Variants in VOPP1 observed in about 807,000 individuals in gnomAD.
VOPP1 encodes the protein VOPP1 WW domain binding protein.
Under a neutral mutation model 23.5 loss-of-function variants are expected in VOPP1, and 8 were observed. The ratio of observed to expected loss-of-function variants is 0.34; its 90% CI spans 0.20 to 0.61. The LOEUF (loss-of-function observed/expected upper bound fraction) is 0.61. Ranked by LOEUF, VOPP1 falls within the 20% of genes least tolerant of loss-of-function variation. VOPP1 has a pLI of 0.78. For synonymous variants in VOPP1, 83 were observed against 97.3 expected, an observed-to-expected ratio of 0.85 and a Z score of 0.86; for missense variants, 174 against 238.1, an observed-to-expected ratio of 0.73 and a Z score of 1.77.
At chr7:55,564,583 A>G (rs1227273194) in intron 1 of VOPP1, among the ~76,000 whole-genome samples, 1 of 152,136 alleles carries the variant, frequency 6.6e-6, no homozygotes, top group Non-Finnish European at 1.5e-5. Context: ...TTCCCTTGCT[A>G]TGGACGCTTA....
chr7:55,545,008 C>CT (rs1470278159), intron 1 of VOPP1, among the ~76,000 whole-genome samples: 1 of 152,086 alleles, frequency 6.6e-6, no homozygotes, highest in Non-Finnish European at 1.5e-5. Context: ...ATGTCTAGCA[C>CT]TGTTAAATCA....
chr7:55,484,169 A>T (rs1792955598), intron 4 of VOPP1, among the ~76,000 whole-genome samples: 1 of 152,144 alleles, frequency 6.6e-6, no homozygotes, highest in African/African-American at 2.4e-5. Context: ...GCTGTTTCTT[A>T]TCTAGTCTGT....
rs77984082 is a variant in VOPP1 at position 55,444,567 on chromosome 7, G to C, written n.418-8393C>G. 9.6e-3 allele frequency among the ~76,000 whole-genome samples: 1,463 copies of C among 152,212 alleles called. 20 individuals carry two copies. Among genetic ancestry groups the C allele is most frequent in the African/African-American group, 0.032 (1,326 of 41,524 alleles). ...AATATCAGGAGGCAGAGAGGATTGA[G>C]GGCCACTCTGGAAACTGGATACAGG... is the stretch of plus-strand genomic sequence containing the variant. On this transcript the variant is annotated intron_variant and non_coding_transcript_variant, in intron 4 of 4. Coordinates refer to the VOPP1 transcript ENST00000462326.
At chr7:55,479,091 TTGAGG>T (rs768366380) in intron 4 of VOPP1, among the ~76,000 whole-genome samples, 4 of 152,172 alleles carry the variant, frequency 2.6e-5, no homozygotes, top group Non-Finnish European at 5.9e-5. Context: ...GCTGGCTGAA[TTGAGG>T]TATGTGTTAC....
intron 2 of VOPP1, 93 bp from the exon 3 acceptor site, chr7:55,497,783 T>G: frequency 9.1e-7 from 1 of 1,096,078 alleles, no homozygotes; most frequent in Admixed American, 1.8e-5. Context: ...GTAATCATTC[T>G]TGAAGGAAGA....
downstream of VOPP1, among the ~76,000 whole-genome samples, chr7:55,468,961 C>T (rs953812837): frequency 1.3e-5 from 2 of 152,098 alleles, no homozygotes; most frequent in Non-Finnish European, 1.5e-5. Context: ...ACTATCAAAG[C>T]TTTAAAATAC....
At chr7:55,564,510 C>CT (rs1336818996) in intron 1 of VOPP1, among the ~76,000 whole-genome samples, 4 of 152,086 alleles carry the variant, frequency 2.6e-5, no homozygotes, top group East Asian at 1.9e-4. Context: ...GCTATGGACC[C>CT]TTTTTTTGTC....
At chr7:55,539,814 A>G (rs1797030918) in intron 1 of VOPP1, among the ~76,000 whole-genome samples, 1 of 151,848 alleles carries the variant, frequency 6.6e-6, no homozygotes, top group South Asian at 2.1e-4. Context: ...ACCAGGACTC[A>G]ATGGAGAAAC....
chr7:55,450,593 A>G lies in VOPP1; in HGVS notation n.418-14419T>C, dbSNP rs567486100. ...ACTTTGATATATTAGGCTGAATATC[A>G]TTAAAATAATTTTTTTGATTAATCT... On this transcript the variant is annotated intron_variant and non_coding_transcript_variant, in intron 4 of 4. Coordinates refer to the VOPP1 transcript ENST00000462326. Among the ~76,000 whole-genome samples the G allele has an allele frequency of 2.0e-5, 3 of 152,350 alleles. No homozygotes were observed. The East Asian group carries it at 5.8e-4, about 29-fold the overall frequency.
At chr7:55,504,148 C>T (rs968994158) in intron 2 of VOPP1, among the ~76,000 whole-genome samples, 3 of 152,162 alleles carry the variant, frequency 2.0e-5, no homozygotes, top group Non-Finnish European at 2.9e-5. Context: ...TACAACAGCT[C>T]CTTTCTCCCA....
rs79787433 is a variant in VOPP1, at chr7:55,516,456, G to C, written c.113+4616C>G. Reference sequence around the variant, plus strand: ...AGCACAAAGAAATCAGAAGAGGTGAGAGTAATTTTGTATGTCTAGGTAGCT... The same window carrying C: ...AGCACAAAGAAATCAGAAGAGGTGACAGTAATTTTGTATGTCTAGGTAGCT... On this transcript the variant is annotated intron_variant, in intron 2 of 4. Coordinates refer to ENST00000285279, the MANE Select transcript of VOPP1 (RefSeq NM_030796.5). Among the ~76,000 whole-genome samples the C allele has an allele frequency of 4.2e-3, 645 of 152,294 alleles. 3 individuals are homozygous for C. Among genetic ancestry groups the C allele is most frequent in the African/African-American group, 0.014 (593 of 41,574 alleles).
In VOPP1 at chr7:55,538,514, C is replaced by A. The variant is rs569279630; in HGVS notation, c.55-17384G>T. On this transcript the variant is annotated intron_variant, in intron 1 of 4. Coordinates refer to ENST00000285279, the MANE Select transcript of VOPP1 (RefSeq NM_030796.5). ...CACAAACCACACAAAAAGAACAACC[C>A]TATGGTCCAAAGACTGAGGATTCCA... 76 of 1,144,708 alleles carry A rather than the reference C, an allele frequency of 6.6e-5. No homozygotes were observed. In the African/African-American group the frequency reaches 1.1e-3, roughly 17 times the overall value. 70.9% of individuals were successfully genotyped at this position (1,144,708 alleles called of 1,614,324 possible).
At chr7:55,495,966 G>A (rs1187356533) in intron 3 of VOPP1, among the ~76,000 whole-genome samples, 1 of 152,238 alleles carries the variant, frequency 6.6e-6, no homozygotes, top group Non-Finnish European at 1.5e-5. Flanking sequence ...CCACCAAGTC[G>A]TCGTGTGCTG....
intron 1 of VOPP1, chr7:55,538,472 C>T: frequency 1.6e-6 from 1 of 627,708 alleles, no homozygotes; most frequent in South Asian, 2.6e-5. Context: ...TAAACACAAG[C>T]CCTTCCTGCC....
At chr7:55,536,613 T>TATGAAGTTC (rs1325909456) in intron 1 of VOPP1, among the ~76,000 whole-genome samples, 20 of 152,104 alleles carry the variant, frequency 1.3e-4, no homozygotes, top group African/African-American at 4.8e-4. Context: ...CAAAGAGAAC[T>TATGAAGTTC]TCATTGTGTC....
intron 2 of VOPP1, among the ~76,000 whole-genome samples, chr7:55,500,312 G>A (rs762943719): frequency 5.3e-5 from 8 of 152,230 alleles, no homozygotes; most frequent in Non-Finnish European, 1.0e-4. Context: ...TCTCCTGCTG[G>A]CTTTGAAATA....
chr7:55,437,111 T>G (rs1344593924), intron 4 of VOPP1, among the ~76,000 whole-genome samples: 3 of 152,178 alleles, frequency 2.0e-5, no homozygotes, highest in African/African-American at 7.2e-5. Flanking sequence ...TTCAGACCAT[T>G]CCTAATGGAG....
chr7:55,487,779 C>T (rs116851967), intron 4 of VOPP1, among the ~76,000 whole-genome samples: 1,841 of 152,336 alleles, frequency 0.012, 12 homozygotes, highest in Middle Eastern at 0.02. Flanking sequence ...ATTCAATCAT[C>T]GTTTTCTTTG....
chr7:55,476,693 G>A (rs529492827), intron 4 of VOPP1, among the ~76,000 whole-genome samples: 2 of 152,258 alleles, frequency 1.3e-5, no homozygotes, highest in African/African-American at 4.8e-5. Flanking sequence ...CTCCAGCCAT[G>A]CCCTGGCTTC....
Sources: gnomAD v4.1 joint callset for allele counts (sites outside exome capture counted in the v4.1 genomes callset) on GRCh38, gnomAD v4.1.1 for gene constraint, MANE v1.5 for transcripts, NCBI Gene and HGNC (gene_info 2026-07-23, HGNC 2026-07-21) for gene names.